CCDC178: variants seen among roughly 807,000 people sequenced by gnomAD.
The protein encoded by CCDC178 is coiled-coil domain containing 178.
A neutral mutation model predicts 117.4 loss-of-function variants in CCDC178; 126 were observed. That is an observed-to-expected ratio of 1.07 (90% CI 0.93 to 1.24). The LOEUF (loss-of-function observed/expected upper bound fraction) is 1.24, where lower values mean the gene tolerates loss of function less well. Among genes scored for constraint, CCDC178 ranks in the 50% most tolerant of loss-of-function variants. The probability of loss-of-function intolerance (pLI) is 0.00; values close to 1 mark genes in which losing one functional copy is unlikely to be tolerated. For missense variants in CCDC178, 1,030 were observed against 986.9 expected, an observed-to-expected ratio of 1.04 and a Z score of -0.59; for synonymous variants, 283 against 313.4, an observed-to-expected ratio of 0.90 and a Z score of 1.02.
intron 2 of CCDC178, among the ~76,000 whole-genome samples, chr18:33,430,146 C>T (rs1257757366): frequency 6.6e-6 from 1 of 152,076 alleles, no homozygotes; most frequent in Non-Finnish European, 1.5e-5. Flanking sequence ...CAAAAAATTG[C>T]CACAAAAACT....
At chr18:33,343,075 T>A (rs1297961767) in intron 9 of CCDC178, among the ~76,000 whole-genome samples, 1 of 152,162 alleles carries the variant, frequency 6.6e-6, no homozygotes, top group Admixed American at 6.5e-5. Flanking sequence ...TATGTCTACA[T>A]ACTATTCAAA....
chr18:33,344,181 G>C (rs1333072816), intron 9 of CCDC178, among the ~76,000 whole-genome samples: 1 of 150,814 alleles, frequency 6.6e-6, no homozygotes, highest in Non-Finnish European at 1.5e-5. Context: ...GCGGGCGCCT[G>C]TAGTCCCAGC....
At chr18:33,256,017 C>A (rs2059675278) in intron 14 of CCDC178, among the ~76,000 whole-genome samples, 1 of 140,302 alleles carries the variant, frequency 7.1e-6, no homozygotes, top group East Asian at 2.1e-4. Context: ...TGAAAAATGG[C>A]CTCATGTATT....
chr18:32,978,753 A>C (rs2055079909), intron 21 of CCDC178, among the ~76,000 whole-genome samples: 1 of 152,156 alleles, frequency 6.6e-6, no homozygotes, highest in Non-Finnish European at 1.5e-5. Flanking sequence ...AGTTAGAGAA[A>C]AGGCCGGGCA....
intron 21 of CCDC178, among the ~76,000 whole-genome samples, chr18:33,023,091 G>T (rs80101868): frequency 0.035 from 5,301 of 152,124 alleles, 150 homozygotes; most frequent in East Asian, 0.081. Context: ...ATGTGAAGGA[G>T]AAACAGATAG....
rs571693503 is a variant in CCDC178, at chr18:33,171,296, T to G, written c.2238+40600A>C. Among the ~76,000 whole-genome samples, 4 of 152,222 alleles carry G rather than the reference T, an allele frequency of 2.6e-5. No homozygotes were observed. The South Asian group carries it at 8.3e-4, about 32-fold the overall frequency. On this transcript the variant is annotated intron_variant, in intron 20 of 22. Coordinates refer to ENST00000383096, the MANE Select transcript of CCDC178 (RefSeq NM_001105528.4). ...CCCCTGAGATCAAACAAACAGAAGG[T>G]GCAGAATAAATCCTATTCACTCTTC...
At position 33,266,927 on chromosome 18, in the gene CCDC178, T is replaced by C; in HGVS notation, c.1398A>G (p.Lys466=). The C allele has an allele frequency of 1.9e-6, 3 of 1,575,040 alleles. No homozygotes were observed. The highest frequency in any genetic ancestry group is 8.6e-7 in the Non-Finnish European group (1 of 1,163,724). ...LEIDINKITV[K]TNESIRKKSK... ...ATTTGCAAATTTACCTTTCATTGGT[T>C]TTTACTGTTATTTTGTTAATATCAA... The change falls in exon 14 of 23, where the codon AAA becomes AAG. Residue 466 remains lysine, a synonymous_variant. Coordinates refer to ENST00000383096, the MANE Select transcript of CCDC178 (RefSeq NM_001105528.4).
chr18:33,240,105 G>C (rs1226819346), intron 15 of CCDC178, among the ~76,000 whole-genome samples: 1 of 151,744 alleles, frequency 6.6e-6, no homozygotes, highest in Non-Finnish European at 1.5e-5. Flanking sequence ...CTATACAAAT[G>C]CATGGCATTT....
chr18:33,183,724 C>A (rs1256641422), intron 20 of CCDC178, among the ~76,000 whole-genome samples: 1 of 151,932 alleles, frequency 6.6e-6, no homozygotes, highest in Admixed American at 6.6e-5. Context: ...TCTGCTCCCC[C>A]CACACAGAAG....
intron 5 of CCDC178, among the ~76,000 whole-genome samples, chr18:33,379,196 A>T (rs1221886203): frequency 1.0e-5 from 1 of 95,398 alleles, no homozygotes; most frequent in Admixed American, 1.0e-4. Flanking sequence ...CCATATATAT[A>T]ATATATATAT....
At chr18:33,319,634 T>C (rs2062475453) in intron 11 of CCDC178, among the ~76,000 whole-genome samples, 1 of 152,204 alleles carries the variant, frequency 6.6e-6, no homozygotes, top group South Asian at 2.1e-4. Flanking sequence ...TCCACAATGG[T>C]TGAACTAGTT....
intron 21 of CCDC178, among the ~76,000 whole-genome samples, chr18:33,066,181 A>G (rs1203385262): frequency 1.3e-5 from 2 of 152,150 alleles, no homozygotes; most frequent in African/African-American, 4.8e-5. Context: ...CAAAAATGAA[A>G]GAGAAATAAA....
intron 20 of CCDC178, among the ~76,000 whole-genome samples, chr18:33,137,308 T>C (rs1598920250): frequency 6.6e-6 from 1 of 152,344 alleles, no homozygotes; most frequent in South Asian, 2.1e-4. Flanking sequence ...TGTTTTTCTA[T>C]AGTTTAAACT....
chr18:32,946,148 G>A (rs1302993171), intron 22 of CCDC178, among the ~76,000 whole-genome samples: 1 of 152,070 alleles, frequency 6.6e-6, no homozygotes, highest in African/African-American at 2.4e-5. Flanking sequence ...CTACTTCTAG[G>A]GAGGCTCTGT....
At chr18:33,116,607 C>T (rs1430785491) in intron 20 of CCDC178, among the ~76,000 whole-genome samples, 1 of 152,054 alleles carries the variant, frequency 6.6e-6, no homozygotes, top group East Asian at 1.9e-4. Flanking sequence ...AGATTGCTGG[C>T]AGGGTTTATT....
intron 20 of CCDC178, among the ~76,000 whole-genome samples, chr18:33,168,164 T>C (rs576443483): frequency 6.6e-6 from 1 of 152,280 alleles, no homozygotes; most frequent in African/African-American, 2.4e-5. Context: ...TGCCAGGTCC[T>C]ATGTCCAGCA....
intron 21 of CCDC178, among the ~76,000 whole-genome samples, chr18:33,045,350 C>T (rs563670474): frequency 2.6e-5 from 4 of 151,922 alleles, no homozygotes; most frequent in Non-Finnish European, 4.4e-5. Flanking sequence ...TAGTTAGGCC[C>T]GAGAGCTAGA....
At chr18:33,279,921 C>T (rs2060000053) in intron 12 of CCDC178, among the ~76,000 whole-genome samples, 1 of 152,098 alleles carries the variant, frequency 6.6e-6, no homozygotes, top group African/African-American at 2.4e-5. Context: ...GAAACTGGAT[C>T]CCTTCCTTAC....
chr18:33,276,528 A>T (rs892383777), intron 12 of CCDC178, among the ~76,000 whole-genome samples: 3 of 152,152 alleles, frequency 2.0e-5, no homozygotes, highest in Non-Finnish European at 4.4e-5. Context: ...GGGAACTGAG[A>T]ACAAGAATCC....
Sources: allele counts gnomAD v4.1 joint callset (sites outside exome capture counted in the v4.1 genomes callset), GRCh38; gene constraint gnomAD v4.1.1; transcripts MANE v1.5; gene names NCBI Gene and HGNC (gene_info 2026-07-23, HGNC 2026-07-21).